Variants in KAZN observed in about 807,000 individuals in gnomAD.
KAZN encodes kazrin, periplakin interacting protein.
In KAZN, 40 loss-of-function variants were observed where a neutral mutation model predicts 87.4. That is an observed-to-expected ratio of 0.46 (90% confidence interval 0.36 to 0.60). KAZN has a LOEUF of 0.60. Among genes scored for constraint, KAZN ranks in the 20% least tolerant of loss-of-function variants. KAZN has a pLI of 0.00. For synonymous variants in KAZN, 466 were observed against 458.3 expected (o/e 1.02, Z -0.22); for missense variants, 898 against 1,073.9 (o/e 0.84, Z 2.29).
In KAZN at chr1:14,176,233, T is replaced by TACATCTCAGGGAG. The variant is rs1557538317; in HGVS notation, c.92-4202_92-4201insACATCTCAGGGAG. Among the ~76,000 whole-genome samples, 6 of 152,266 alleles carry TACATCTCAGGGAG rather than the reference T, an allele frequency of 3.9e-5. No homozygotes were observed. The East Asian group carries it at 9.7e-4, about 25-fold the overall frequency. On this transcript the variant is annotated intron_variant, in intron 1 of 16. Transcript: ENST00000636203. ...GGGTTCTCAGGGAGCTTATGTATTA[T>TACATCTCAGGGAG]CTTGTCCTGGGATGTATAGCTTGTC... is the stretch of plus-strand genomic sequence containing the variant.
At chr1:14,598,025 G>A (rs140914123), upstream of KAZN, among the ~76,000 whole-genome samples, 79 of 152,318 alleles carry the variant, frequency 5.2e-4, 1 homozygote, top group Middle Eastern at 6.8e-3. The surrounding 1 kb of genome is among the most constrained non-coding windows in gnomAD (Gnocchi z 4.2). Flanking sequence ...CTCTGTCCCC[G>A]CCAATATTCA....
chr1:14,205,884 C>CAAAAACAAAAAAA (rs1646730078), intron 2 of KAZN, among the ~76,000 whole-genome samples: 1 of 35,220 alleles, frequency 2.8e-5, no homozygotes, highest in East Asian at 9.3e-4. Flanking sequence ...GACACTGTCT[C>CAAAAACAAAAAAA]AAAAAAAAAA....
At chr1:14,813,299 TG>T (rs1214831276) in intron 1 of KAZN, among the ~76,000 whole-genome samples, 2 of 152,194 alleles carry the variant, frequency 1.3e-5, no homozygotes, top group African/African-American at 4.8e-5. Context: ...GAAGTGCATA[TG>T]GGGACTTCTG....
rs112667110 is a variant in KAZN at position 14,695,510 on chromosome 1, C to CTTTTTTTTTTTTTTTTTTTTATTTTTTTT, written c.226+96302_226+96303insTTTTTATTTTTTTTTTTTTTTTTTTTTTT. On this transcript the variant is annotated intron_variant, in intron 1 of 14. Transcript: ENST00000376030. The stretch of plus-strand genomic sequence containing the variant: ...CCTCTTTCCCCAGACTACATTCCAT[C>CTTTTTTTTTTTTTTTTTTTTATTTTTTTT]TTTTTTTTTTTTTTTGATGGAGTCT... Among the ~76,000 whole-genome samples the CTTTTTTTTTTTTTTTTTTTTATTTTTTTT allele has an allele frequency of 2.4e-5, 2 of 85,048 alleles. 1 individual carries two copies. Among genetic ancestry groups the CTTTTTTTTTTTTTTTTTTTTATTTTTTTT allele is most frequent in the Non-Finnish European group, 5.5e-5 (2 of 36,518 alleles). 55.8% of individuals were successfully genotyped at this position (85,048 alleles called of 152,430 possible). A position where few individuals can be genotyped will look rare whatever the true frequency, so the allele number is the denominator to read the frequency against.
chr1:14,079,192 C>T (rs989766049), intron 1 of KAZN, among the ~76,000 whole-genome samples: 1 of 152,180 alleles, frequency 6.6e-6, no homozygotes, highest in Non-Finnish European at 1.5e-5. Context: ...AAGGAACAGA[C>T]ATGTCACATG....
At chr1:14,314,905 T>A (rs1054892782) in intron 2 of KAZN, among the ~76,000 whole-genome samples, 1 of 152,120 alleles carries the variant, frequency 6.6e-6, no homozygotes, top group Non-Finnish European at 1.5e-5. Context: ...TTATGGGTGT[T>A]TTATATAAGT....
At chr1:14,986,983 C>T (rs1206281544) in intron 2 of KAZN, among the ~76,000 whole-genome samples, 3 of 151,892 alleles carry the variant, frequency 2.0e-5, no homozygotes, top group South Asian at 2.1e-4. Context: ...AATTGACCTC[C>T]GATGCATGCC....
intron 1 of KAZN, among the ~76,000 whole-genome samples, chr1:14,828,870 C>A (rs376733108): frequency 6.6e-6 from 1 of 152,134 alleles, no homozygotes; most frequent in Admixed American, 6.5e-5. Context: ...CTCCACATTC[C>A]CATTTCAGGC....
intron 1 of KAZN, among the ~76,000 whole-genome samples, chr1:14,065,844 A>T (rs775193570): frequency 6.6e-6 from 1 of 152,136 alleles, no homozygotes; most frequent in Non-Finnish European, 1.5e-5. Context: ...ATAGGGTACA[A>T]GTGGTTTTGG....
chr1:14,844,370 A>G (rs74059609), intron 1 of KAZN, among the ~76,000 whole-genome samples: 11,459 of 152,290 alleles, frequency 0.075, 909 homozygotes, highest in African/African-American at 0.2. Context: ...AGGTGCTACA[A>G]GTTAAGAGCT....
chr1:14,319,918 A>T (rs995878726), intron 2 of KAZN, among the ~76,000 whole-genome samples: 4 of 152,046 alleles, frequency 2.6e-5, no homozygotes, highest in Non-Finnish European at 5.9e-5. Context: ...CCCAACCCTG[A>T]CTCATTCATA....
chr1:14,802,522 G>A (rs1380619628), intron 1 of KAZN, among the ~76,000 whole-genome samples: 1 of 152,146 alleles, frequency 6.6e-6, no homozygotes, highest in Non-Finnish European at 1.5e-5. Context: ...GATCTGGTCA[G>A]TGGAGACCTG....
At chr1:15,048,564 GGGTCGTTGATCCTT>G (rs1181188346) in intron 4 of KAZN, among the ~76,000 whole-genome samples, 4 of 152,040 alleles carry the variant, frequency 2.6e-5, no homozygotes, top group African/African-American at 9.7e-5. Context: ...TGTTGGTCCT[GGGTCGTTGATCCTT>G]GGTCGTTGGT....
At chr1:14,107,054 C>T (rs1570752533) in intron 1 of KAZN, among the ~76,000 whole-genome samples, 1 of 133,410 alleles carries the variant, frequency 7.5e-6, no homozygotes, top group East Asian at 2.4e-4. Context: ...TTTCTTCCTT[C>T]CTTCCTTCCT....
chr1:14,791,531 C>T (rs892278667), intron 1 of KAZN, among the ~76,000 whole-genome samples: 9 of 152,232 alleles, frequency 5.9e-5, no homozygotes, highest in African/African-American at 2.2e-4. Flanking sequence ...GTCTCTGGTC[C>T]TGGTGGAGGA....
intron 1 of KAZN, among the ~76,000 whole-genome samples, chr1:14,784,352 C>T (rs1239055907): frequency 6.6e-6 from 1 of 152,132 alleles, no homozygotes; most frequent in African/African-American, 2.4e-5. Context: ...ATAACCTAGC[C>T]AAGTTGACAT....
At chr1:14,865,007 T>C (rs980764691) in intron 1 of KAZN, among the ~76,000 whole-genome samples, 1 of 152,158 alleles carries the variant, frequency 6.6e-6, no homozygotes, top group Non-Finnish European at 1.5e-5. Context: ...ACATTGCTTG[T>C]TGGATAAAAT....
At chr1:14,713,081 G>A (rs961115117) in intron 1 of KAZN, among the ~76,000 whole-genome samples, 1 of 152,132 alleles carries the variant, frequency 6.6e-6, no homozygotes, top group African/African-American at 2.4e-5. Context: ...CTCTAATCTG[G>A]ACTGAGCCTG....
chr1:14,199,684 A>G (rs1332347982), intron 2 of KAZN, among the ~76,000 whole-genome samples: 3 of 152,226 alleles, frequency 2.0e-5, no homozygotes, highest in Admixed American at 1.3e-4. Flanking sequence ...TTTTACCAGC[A>G]TATCAGGAAA....
Sources: allele counts gnomAD v4.1 joint callset (sites outside exome capture counted in the v4.1 genomes callset), GRCh38; gene constraint gnomAD v4.1.1; non-coding constraint Gnocchi (gnomAD v3.1); transcripts MANE v1.5; gene names NCBI Gene and HGNC (gene_info 2026-07-23, HGNC 2026-07-21).